ARAP2: variants seen among roughly 807,000 people sequenced by gnomAD.
ARAP2 encodes arf-GAP with Rho-GAP domain, ANK repeat and PH domain-containing protein 2.
ARAP2 carries 148 observed loss-of-function variants against 194.5 expected under a neutral mutation model. The observed-to-expected ratio is 0.76, with a 90% CI of 0.67 to 0.87. The LOEUF (loss-of-function observed/expected upper bound fraction) is 0.87. Among genes scored for constraint, ARAP2 ranks in the 40% least tolerant of loss-of-function variants. The pLI, the probability that ARAP2 is intolerant of heterozygous loss-of-function variation, is 0.00. For synonymous variants in ARAP2, 695 were observed against 683.5 expected, an observed-to-expected ratio of 1.02 and a Z score of -0.26; for missense variants, 2,128 against 1,989.7, an observed-to-expected ratio of 1.07 and a Z score of -1.32.
chr4:36,061,745 C>A (rs560157863), downstream of ARAP2, among the ~76,000 whole-genome samples: 1 of 152,126 alleles, frequency 6.6e-6, no homozygotes, highest in Middle Eastern at 3.4e-3. Flanking sequence ...TCCCATTGTT[C>A]TCCATAGTAA....
chr4:36,016,913 G>T (rs1187053167), intron 6 of ARAP2, among the ~76,000 whole-genome samples: 2 of 151,724 alleles, frequency 1.3e-5, no homozygotes, highest in Non-Finnish European at 2.9e-5. Flanking sequence ...CACTTTTTTT[G>T]ACCTTCCTGG....
intron 3 of ARAP2, among the ~76,000 whole-genome samples, chr4:36,049,290 C>T (rs558116182): frequency 6.6e-6 from 1 of 152,168 alleles, no homozygotes; most frequent in South Asian, 2.1e-4. Flanking sequence ...TAAATGTTTG[C>T]TTTTCCAAAA....
intron 1 of ARAP2, among the ~76,000 whole-genome samples, chr4:36,233,170 T>TAGATG (rs1751836746): frequency 6.6e-6 from 1 of 152,148 alleles, no homozygotes; most frequent in African/African-American, 2.4e-5. Context: ...CAGATCCAAT[T>TAGATG]CTTAGATGCT....
intron 8 of ARAP2, among the ~76,000 whole-genome samples, chr4:36,185,702 G>A (rs1051015293): frequency 2.0e-5 from 3 of 151,958 alleles, no homozygotes; most frequent in African/African-American, 4.8e-5. Context: ...ATGGATGGGC[G>A]CAGTGGCTCA....
chr4:36,096,681 T>A (rs1246678014), intron 27 of ARAP2, among the ~76,000 whole-genome samples: 1 of 152,190 alleles, frequency 6.6e-6, no homozygotes, highest in Non-Finnish European at 1.5e-5. Context: ...CACACCGTCA[T>A]ACTAATAGAT....
chr4:36,221,864 G>C (rs1749244959), intron 2 of ARAP2, among the ~76,000 whole-genome samples: 1 of 152,070 alleles, frequency 6.6e-6, no homozygotes, highest in Non-Finnish European at 1.5e-5. Flanking sequence ...GCTTTCTTTA[G>C]CTACAGCTCA....
In ARAP2 at chr4:36,133,231, T is replaced by C. The variant is rs1235456570; in HGVS notation, c.3422A>G (p.Gln1141Arg). 2 of 1,610,166 alleles carry C rather than the reference T, an allele frequency of 1.2e-6. No individual in the cohort carries two copies. Among genetic ancestry groups the C allele is most frequent in the African/African-American group, 1.3e-5 (1 of 74,656 alleles). The change falls in exon 20 of 33, where the codon CAG becomes CGG. Residue 1141 changes from glutamine to arginine, a missense_variant. Transcript: ENST00000303965. Reference sequence around the variant, plus strand: ...AAAAACTCAGTGATACTTACCATACTGTGTAACAAATGCTATACAGCTGTT... The same window carrying C: ...AAAAACTCAGTGATACTTACCATACCGTGTAACAAATGCTATACAGCTGTT... ...IVNSCIAFVT[Q>R]YGLGCKYIYQ... is the part of the protein sequence containing the mutation.
At chr4:36,074,222 A>G (rs182978320) in intron 31 of ARAP2, among the ~76,000 whole-genome samples, 7 of 152,156 alleles carry the variant, frequency 4.6e-5, no homozygotes, top group African/African-American at 1.7e-4. Flanking sequence ...ATTTCATCTT[A>G]TATATCCCAA....
chr4:36,019,590 C>G (rs1716522056), intron 5 of ARAP2, among the ~76,000 whole-genome samples: 1 of 137,368 alleles, frequency 7.3e-6, no homozygotes, highest in Admixed American at 6.8e-5. Flanking sequence ...AAGGGTGGAC[C>G]CAGGGAAAGG....
intron 2 of ARAP2, among the ~76,000 whole-genome samples, chr4:36,217,552 C>T (rs1371721153): frequency 1.3e-5 from 2 of 151,580 alleles, no homozygotes; most frequent in Non-Finnish European, 2.9e-5. Flanking sequence ...ATACAAAATA[C>T]AAAAATAAAA....
At chr4:36,104,797 A>G (rs904903453) in intron 27 of ARAP2, among the ~76,000 whole-genome samples, 2 of 152,010 alleles carry the variant, frequency 1.3e-5, no homozygotes, top group African/African-American at 4.8e-5. Flanking sequence ...TTAGACATTT[A>G]TTTTATAGGT....
At position 36,212,409 on chromosome 4, in the gene ARAP2, T is replaced by C. The variant is rs2109277064; in HGVS notation, c.1120A>G (p.Ile374Val). 2 of 1,611,256 alleles carry C rather than the reference T, an allele frequency of 1.2e-6. No individual in the cohort carries two copies. Among genetic ancestry groups the C allele is most frequent in the East Asian group, 2.2e-5 (1 of 44,772 alleles). ...GEAATATNSF[I>V]IKSSIYDNRK... ...ATGATCTCATACCTTGATTTGATGA[T>C]AAAAGAGTTTGTTGCAGTAGCTGCT... is the stretch of plus-strand genomic sequence containing the variant. Residue 374 changes from isoleucine to valine, a missense_variant, in exon 5 of 33, where the codon ATC (isoleucine) becomes GTC (valine). Ile to Val is a conservative substitution (Grantham distance 29). Transcript: ENST00000303965.
intron 10 of ARAP2, chr4:36,006,474 T>C (rs1713301189): frequency 6.6e-6 from 1 of 152,180 alleles, no homozygotes; most frequent in Non-Finnish European, 1.5e-5. Flanking sequence ...TAGTGTGTAG[T>C]AGAACTAATA....
chr4:36,167,684 T>C (rs1380814052), intron 9 of ARAP2, among the ~76,000 whole-genome samples: 5 of 152,190 alleles, frequency 3.3e-5, no homozygotes, highest in Admixed American at 6.5e-5. Context: ...CTCCCTTCAA[T>C]CAGATTCCTA....
intron 5 of ARAP2, among the ~76,000 whole-genome samples, chr4:36,028,333 A>G (rs956215093): frequency 6.6e-6 from 1 of 152,098 alleles, no homozygotes; most frequent in Non-Finnish European, 1.5e-5. Flanking sequence ...GTGCTATTTC[A>G]AGTAGAGTTC....
At chr4:36,122,390 T>C (rs1431956563) in intron 22 of ARAP2, among the ~76,000 whole-genome samples, 1 of 151,432 alleles carries the variant, frequency 6.6e-6, no homozygotes, top group East Asian at 2.0e-4. Flanking sequence ...AATGACAGAG[T>C]AAGGAAAATG....
At position 36,150,942 on chromosome 4, in the gene ARAP2, A is replaced by T; in HGVS notation, c.2855T>A (p.Ile952Asn). ...GTCCTCTTTGTGTATAGCCAGGCAG[A>T]TAACTTCATTGATATTAATGGTGCC... ...PNGTININEV[I>N]CLAIHKEDFY... is the part of the protein sequence containing the mutation. The change falls in exon 16 of 33, where the codon ATC (isoleucine) becomes AAC (asparagine). Residue 952 changes from isoleucine to asparagine, a missense_variant. By Grantham distance (149) the Ile-to-Asn change is moderately radical. Coordinates refer to ENST00000303965, the MANE Select transcript of ARAP2 (RefSeq NM_015230.4). The T allele has an allele frequency of 6.2e-7, 1 of 1,613,362 alleles. No homozygotes were observed. Among genetic ancestry groups the T allele is most frequent in the African/African-American group, 1.3e-5 (1 of 75,044 alleles).
downstream of ARAP2, among the ~76,000 whole-genome samples, chr4:36,061,229 T>C (rs1724386166): frequency 6.6e-6 from 1 of 152,202 alleles, no homozygotes; most frequent in Non-Finnish European, 1.5e-5. Context: ...TATACTCTTT[T>C]AGTTATTTTA....
At chr4:36,158,930 A>G in intron 14 of ARAP2, 66 bp from the exon 15 acceptor site, 1 of 1,446,992 alleles carries the variant, frequency 6.9e-7, no homozygotes, top group Non-Finnish European at 9.4e-7. Context: ...TTTGTTTATA[A>G]TATGTACATG....
Sources: allele counts gnomAD v4.1 joint callset (sites outside exome capture counted in the v4.1 genomes callset), GRCh38; gene constraint gnomAD v4.1.1; transcripts MANE v1.5; gene names NCBI Gene and HGNC (gene_info 2026-07-23, HGNC 2026-07-21).